Variants in C1QTNF3 observed in about 807,000 individuals in gnomAD.
The protein encoded by C1QTNF3 is C1q and TNF related 3.
C1QTNF3 carries 26 observed loss-of-function variants against 32.6 expected under a neutral mutation model. That is an observed-to-expected ratio of 0.80 (90% CI 0.58 to 1.11). The LOEUF (loss-of-function observed/expected upper bound fraction) is 1.11. C1QTNF3 is among the 50% of genes least tolerant of loss of function. C1QTNF3 has a pLI of 0.00. For missense variants in C1QTNF3, 362 were observed against 398.2 expected (o/e 0.91, Z 0.77); for synonymous variants, 155 against 146.0 (o/e 1.06, Z -0.44).
chr5:34,116,891 G>A, the C1QTNF3 span, among the ~76,000 whole-genome samples: 5 of 152,128 alleles, frequency 3.3e-5, no homozygotes, highest in African/African-American at 9.7e-5. Context: ...CACTGTGCCC[G>A]GCCTTTCTAG....
the C1QTNF3 span, among the ~76,000 whole-genome samples, chr5:34,056,209 T>C: frequency 4.4e-4 from 67 of 151,798 alleles, no homozygotes; most frequent in African/African-American, 1.5e-3. Context: ...GGTTTCACGA[T>C]AGAAAACATA....
chr5:34,126,076 A>C, the C1QTNF3 span, among the ~76,000 whole-genome samples: 1 of 152,264 alleles, frequency 6.6e-6, no homozygotes. Context: ...ATAACAACAT[A>C]AAAATCATCT....
the C1QTNF3 span, among the ~76,000 whole-genome samples, chr5:34,066,784 A>C: frequency 6.6e-6 from 1 of 152,170 alleles, no homozygotes. Context: ...TATTCTTGGG[A>C]ATTAAAATTT....
chr5:34,074,383 A>G, the C1QTNF3 span, among the ~76,000 whole-genome samples: 1 of 151,732 alleles, frequency 6.6e-6, no homozygotes, highest in Non-Finnish European at 1.5e-5. Flanking sequence ...ATGTCTAAAC[A>G]CAGACAAAAC....
chr5:34,233,537 CTTA>C, the C1QTNF3 span, among the ~76,000 whole-genome samples: 1 of 151,350 alleles, frequency 6.6e-6, no homozygotes, highest in South Asian at 2.1e-4. Context: ...ATCATATCAC[CTTA>C]TGTTTCTAGC....
intron 3 of C1QTNF3, among the ~76,000 whole-genome samples, chr5:34,030,032 T>C (rs1276938119): frequency 6.6e-6 from 1 of 152,188 alleles, no homozygotes; most frequent in Non-Finnish European, 1.5e-5. Flanking sequence ...ATTACGTAAA[T>C]AACCTTGAAA....
At chr5:34,073,635 G>A in the C1QTNF3 span, among the ~76,000 whole-genome samples, 9 of 152,220 alleles carry the variant, frequency 5.9e-5, no homozygotes, top group Admixed American at 1.3e-4. Flanking sequence ...TTATTCTTTC[G>A]TATAATATTG....
Position 34,033,410 on chromosome 5 carries a change from G to A in C1QTNF3, c.464C>T (p.Ala155Val), listed in dbSNP as rs1401240292. Residue 155 changes from alanine (A) to valine (V), a missense_variant, in exon 3 of 6, where the codon GCC becomes GTC. Transcript: ENST00000382065. ...ACCTTTGTCGCCCTTCTCACCTTTG[G>A]CTCCTTCATGACCAGTGGCTCCATT... The part of the protein sequence containing the change: ...GNNGATGHEG[A>V]KGEKGDKGDL... The A allele has an allele frequency of 7.4e-6, 12 of 1,614,060 alleles. No individual in the cohort carries two copies. The highest frequency in any genetic ancestry group is 1.0e-5 in the Non-Finnish European group (12 of 1,179,988).
the C1QTNF3 span, among the ~76,000 whole-genome samples, chr5:34,117,313 T>C: frequency 6.6e-6 from 1 of 152,210 alleles, no homozygotes; most frequent in African/African-American, 2.4e-5. Flanking sequence ...AATATGAATA[T>C]TAACTTCCAT....
chr5:34,159,037 T>A, the C1QTNF3 span, among the ~76,000 whole-genome samples: 1 of 152,106 alleles, frequency 6.6e-6, no homozygotes, highest in Admixed American at 6.5e-5. Flanking sequence ...CAGTCGCATT[T>A]TCACATTTGT....
chr5:34,134,764 A>G, the C1QTNF3 span, among the ~76,000 whole-genome samples: 1 of 152,112 alleles, frequency 6.6e-6, no homozygotes, highest in African/African-American at 2.4e-5. Context: ...ATTTTTGCAT[A>G]TTGATTTTGT....
chr5:34,187,699 T>C, the C1QTNF3 span, among the ~76,000 whole-genome samples: 1 of 152,406 alleles, frequency 6.6e-6, no homozygotes, highest in African/African-American at 2.4e-5. Context: ...AACTTTGAAC[T>C]TGAGAGAGAT....
chr5:34,134,772 T>C, the C1QTNF3 span, among the ~76,000 whole-genome samples: 1 of 152,232 alleles, frequency 6.6e-6, no homozygotes, highest in African/African-American at 2.4e-5. Flanking sequence ...ATATTGATTT[T>C]GTATCCTGAG....
chr5:34,141,138 T>C, the C1QTNF3 span, among the ~76,000 whole-genome samples: 3 of 151,872 alleles, frequency 2.0e-5, no homozygotes, highest in Non-Finnish European at 4.4e-5. Context: ...TTTTTTTTTT[T>C]AAATTGAGTC....
the C1QTNF3 span, chr5:34,239,294 C>T: frequency 2.0e-5 from 3 of 152,096 alleles, no homozygotes; most frequent in Non-Finnish European, 4.4e-5. Flanking sequence ...CATGTATCAA[C>T]ATTAACCATA....
the C1QTNF3 span, among the ~76,000 whole-genome samples, chr5:34,211,665 G>T: frequency 6.6e-6 from 1 of 151,218 alleles, no homozygotes; most frequent in Non-Finnish European, 1.5e-5. Flanking sequence ...CCTTGTGATA[G>T]TTTACTGAGA....
chr5:34,059,597 A>T, the C1QTNF3 span, among the ~76,000 whole-genome samples: 5 of 152,230 alleles, frequency 3.3e-5, no homozygotes, highest in South Asian at 6.2e-4. Context: ...TTATAGGGGC[A>T]CTAATCCCAT....
At chr5:34,058,505 G>A in the C1QTNF3 span, among the ~76,000 whole-genome samples, 3 of 152,104 alleles carry the variant, frequency 2.0e-5, no homozygotes, top group Non-Finnish European at 1.5e-5. Context: ...GACCCCCAGG[G>A]GTCCCAGAGA....
At chr5:34,201,920 T>C in the C1QTNF3 span, among the ~76,000 whole-genome samples, 1 of 152,204 alleles carries the variant, frequency 6.6e-6, no homozygotes, top group Non-Finnish European at 1.5e-5. Context: ...GTCAAAAAGA[T>C]GCTCCTACTA....
Sources: allele counts gnomAD v4.1 joint callset (sites outside exome capture counted in the v4.1 genomes callset), GRCh38; gene constraint gnomAD v4.1.1; transcripts MANE v1.5; gene names NCBI Gene and HGNC (gene_info 2026-07-23, HGNC 2026-07-21).